The following SLC7A2 variants were observed in gnomAD, a reference collection of about 807,000 sequenced individuals.
The protein encoded by SLC7A2 is cationic amino acid transporter 2.
SLC7A2 carries 48 observed loss-of-function variants against 58.9 expected under a neutral mutation model. The observed-to-expected ratio is 0.82, with a 90% CI of 0.65 to 1.04. The LOEUF is 1.04. Ranked by LOEUF, SLC7A2 falls within the 50% of genes least tolerant of loss-of-function variation. The pLI is 0.00. For missense variants in SLC7A2, 1,029 were observed against 818.8 expected (o/e 1.26, Z -3.13); for synonymous variants, 363 against 314.5 (o/e 1.15, Z -1.63).
In SLC7A2 at chr8:17,566,019, T is replaced by C. The variant is rs968679178; in HGVS notation, c.*873T>C. The stretch of plus-strand genomic sequence containing the variant: ...ATAGTCACCAGGGCCAGAAAGCTCA[T>C]GGAGTGGCCGTAATGAGAATATGTT... On this transcript the variant is annotated 3_prime_UTR_variant, in exon 13 of 13. Transcript: ENST00000494857. 1 of 146,556 alleles carries C rather than the reference T, an allele frequency of 6.8e-6. No individual in the cohort carries two copies. Among genetic ancestry groups the C allele is most frequent in the Non-Finnish European group, 1.5e-5 (1 of 67,732 alleles). 9.1% of individuals were successfully genotyped at this position (146,556 alleles called of 1,614,324 possible).
chr8:17,548,618 C>A, intron 4 of SLC7A2, 60 bp from the exon 5 acceptor site: 1 of 1,284,076 alleles, frequency 7.8e-7, no homozygotes, highest in Non-Finnish European at 1.1e-6. Context: ...ATGTATTTGC[C>A]TCAAAATGCT....
At chr8:17,533,721 C>A (rs969440315) in intron 2 of SLC7A2, among the ~76,000 whole-genome samples, 3 of 152,236 alleles carry the variant, frequency 2.0e-5, no homozygotes, top group African/African-American at 7.2e-5. Context: ...AAGTCAGTTA[C>A]TAATCCAGAG....
At chr8:17,495,523 T>C (rs554904437), upstream of SLC7A2, among the ~76,000 whole-genome samples, 2 of 152,306 alleles carry the variant, frequency 1.3e-5, no homozygotes, top group South Asian at 2.1e-4. Context: ...GTAATCATAG[T>C]GCTGTTTAAA....
At chr8:17,506,822 C>T (rs538512569) in intron 2 of SLC7A2, among the ~76,000 whole-genome samples, 3 of 151,830 alleles carry the variant, frequency 2.0e-5, no homozygotes, top group South Asian at 4.2e-4. Context: ...GCAATCTCGG[C>T]TCATGTGAGG....
At chr8:17,536,003 C>T (rs191406700) in intron 2 of SLC7A2, among the ~76,000 whole-genome samples, 1 of 152,130 alleles carries the variant, frequency 6.6e-6, no homozygotes, top group Admixed American at 6.6e-5. Context: ...GCTTAAAAAA[C>T]CTTCTCCAGT....
At chr8:17,509,303 CTTA>C (rs1346431705) in intron 2 of SLC7A2, among the ~76,000 whole-genome samples, 2 of 151,720 alleles carry the variant, frequency 1.3e-5, no homozygotes, top group African/African-American at 4.8e-5. Context: ...GTATAATTTC[CTTA>C]TTCTTCTTCT....
chr8:17,517,759 T>A (rs1299001510), intron 2 of SLC7A2, among the ~76,000 whole-genome samples: 2 of 152,192 alleles, frequency 1.3e-5, no homozygotes, highest in Non-Finnish European at 2.9e-5. Context: ...CTGAAGTCTT[T>A]CAAATATATT....
chr8:17,514,828 C>A (rs938797798), intron 2 of SLC7A2, among the ~76,000 whole-genome samples: 6 of 152,100 alleles, frequency 3.9e-5, no homozygotes, highest in Admixed American at 3.9e-4. Flanking sequence ...GCAGTGGAGA[C>A]CCTGTGATAA....
In SLC7A2 at chr8:17,560,352, C is replaced by A. The variant is rs142262222; in HGVS notation, c.1323C>A (p.Asp441Glu). The change falls in exon 10 of 13, where the codon GAC (aspartate) becomes GAA (glutamate). Residue 441 changes from aspartate to glutamate, a missense_variant. Transcript: ENST00000494857. ...GGTACCAGCCTGGCTTATCTTACGA[C>A]CAGCCCAAATGTTCTCCTGAGAAAG... ...ILRYQPGLSYDQPKCSPEKDG... is the reference protein window; with the variant it reads ...ILRYQPGLSYEQPKCSPEKDG... 1.9e-6 allele frequency: 3 copies of A among 1,613,976 alleles called. No individual in the cohort carries two copies. The highest frequency in any genetic ancestry group is 2.5e-6 in the Non-Finnish European group (3 of 1,179,870).
chr8:17,510,405 C>T (rs1262363205), intron 2 of SLC7A2, among the ~76,000 whole-genome samples: 5 of 152,078 alleles, frequency 3.3e-5, no homozygotes, highest in Non-Finnish European at 7.4e-5. Flanking sequence ...GTAGAATTGG[C>T]ACACTGTCGT....
At chr8:17,534,088 A>G (rs1038438995) in intron 2 of SLC7A2, among the ~76,000 whole-genome samples, 4 of 152,254 alleles carry the variant, frequency 2.6e-5, no homozygotes, top group African/African-American at 9.6e-5. Context: ...TGCAAAGGAC[A>G]TGATCTTGTT....
chr8:17,549,310 G>A (rs1585249738), intron 5 of SLC7A2, among the ~76,000 whole-genome samples: 1 of 152,168 alleles, frequency 6.6e-6, no homozygotes, highest in East Asian at 1.9e-4. Context: ...CAAATTTCTT[G>A]CTTCTGAGAC....
chr8:17,518,796 G>A (rs1007126288), intron 2 of SLC7A2, among the ~76,000 whole-genome samples: 1 of 152,106 alleles, frequency 6.6e-6, no homozygotes, highest in Non-Finnish European at 1.5e-5. Flanking sequence ...ATCTTAGTCT[G>A]CTTGAGCTGT....
intron 2 of SLC7A2, among the ~76,000 whole-genome samples, chr8:17,533,126 C>T (rs1234952950): frequency 6.6e-6 from 1 of 152,136 alleles, no homozygotes; most frequent in Admixed American, 6.5e-5. Context: ...ATTGCTTTCT[C>T]TGAGCACACA....
At chr8:17,526,799 C>T (rs112718527) in intron 2 of SLC7A2, among the ~76,000 whole-genome samples, 1 of 152,210 alleles carries the variant, frequency 6.6e-6, no homozygotes, top group Non-Finnish European at 1.5e-5. Flanking sequence ...ACTAAGAACA[C>T]GTTATGCCTA....
chr8:17,523,202 G>A (rs2705064), intron 2 of SLC7A2, among the ~76,000 whole-genome samples: 73,254 of 151,876 alleles, frequency 0.48, 18,679 homozygotes, highest in Middle Eastern at 0.59. Flanking sequence ...ACGGCCAAAA[G>A]TAATCTACAA....
chr8:17,527,637 C>T (rs1053349404), intron 2 of SLC7A2, among the ~76,000 whole-genome samples: 1 of 152,130 alleles, frequency 6.6e-6, no homozygotes, highest in Non-Finnish European at 1.5e-5. Context: ...TGGTTGTGGC[C>T]ATCCATCTTT....
chr8:17,530,605 C>T (rs1482632951), intron 2 of SLC7A2, among the ~76,000 whole-genome samples: 25 of 148,872 alleles, frequency 1.7e-4, no homozygotes, highest in Non-Finnish European at 3.3e-4. Context: ...CAGGGTCTCT[C>T]TCTGACACCC....
At chr8:17,538,760 A>AC in intron 2 of SLC7A2, 2 of 1,600,220 alleles carry the variant, frequency 1.2e-6, no homozygotes, top group Non-Finnish European at 1.7e-6. Flanking sequence ...CGATTTAATT[A>AC]CTTTTTTTTC....
Sources: allele counts gnomAD v4.1 joint callset (sites outside exome capture counted in the v4.1 genomes callset), GRCh38; gene constraint gnomAD v4.1.1; transcripts MANE v1.5; gene names NCBI Gene and HGNC (gene_info 2026-07-23, HGNC 2026-07-21).